The following NRG1 variants were observed in gnomAD, a reference collection of about 807,000 sequenced individuals.
NRG1 encodes the protein neuregulin 1.
Under a neutral mutation model 63.8 loss-of-function variants are expected in NRG1, and 18 were observed. The ratio of observed to expected loss-of-function variants is 0.28; its 90% CI spans 0.19 to 0.42. NRG1 has a LOEUF of 0.42. Among genes scored for constraint, NRG1 ranks in the 10% least tolerant of loss-of-function variants. NRG1 has a pLI of 1.00. For synonymous variants in NRG1, 302 were observed against 301.3 expected (o/e 1.00, Z -0.02); for missense variants, 762 against 814.7 (o/e 0.94, Z 0.79).
chr8:32,094,344 G>A (rs1336868094), intron 1 of NRG1, among the ~76,000 whole-genome samples: 2 of 152,180 alleles, frequency 1.3e-5, no homozygotes, highest in African/African-American at 4.8e-5. Flanking sequence ...TTAGAGCAAA[G>A]GAGGGGCAGC....
At chr8:32,492,940 A>ATATTT (rs1826772244) in intron 1 of NRG1, among the ~76,000 whole-genome samples, 1 of 152,176 alleles carries the variant, frequency 6.6e-6, no homozygotes, top group South Asian at 2.1e-4. Flanking sequence ...TATTTCTGAA[A>ATATTT]CCATAGTGTC....
intron 1 of NRG1, among the ~76,000 whole-genome samples, chr8:31,689,489 C>T (rs942733575): frequency 2.0e-5 from 3 of 152,160 alleles, no homozygotes; most frequent in African/African-American, 4.8e-5. Flanking sequence ...CTTTTCTAAA[C>T]AAGTGTAAAG....
intron 1 of NRG1, among the ~76,000 whole-genome samples, chr8:32,537,452 G>T (rs2129519949): frequency 6.6e-6 from 1 of 152,194 alleles, no homozygotes; most frequent in South Asian, 2.1e-4. Flanking sequence ...AGCTGTAAGG[G>T]CATTGGCCAG....
intron 1 of NRG1, among the ~76,000 whole-genome samples, chr8:32,131,140 C>T (rs1010971527): frequency 2.0e-5 from 3 of 152,018 alleles, no homozygotes; most frequent in African/African-American, 7.2e-5. Context: ...AAAATGTCTA[C>T]CTTAATAAAG....
chr8:31,936,656 T>G (rs1800949719), intron 1 of NRG1, among the ~76,000 whole-genome samples: 1 of 152,196 alleles, frequency 6.6e-6, no homozygotes, highest in African/African-American at 2.4e-5. Context: ...CCCAGATAAA[T>G]GGACTCCAAA....
chr8:32,080,634 C>A (rs1827300285), intron 1 of NRG1, among the ~76,000 whole-genome samples: 1 of 152,130 alleles, frequency 6.6e-6, no homozygotes, highest in Non-Finnish European at 1.5e-5. Flanking sequence ...TCCTTCAAAA[C>A]CAACTGTAGC....
chr8:32,509,364 G>A (rs1828915408), intron 1 of NRG1, among the ~76,000 whole-genome samples: 1 of 152,162 alleles, frequency 6.6e-6, no homozygotes, highest in African/African-American at 2.4e-5. Context: ...AAAGTGCTGG[G>A]ATTACAGGTG....
chr8:31,880,112 G>T (rs980654271), intron 1 of NRG1, among the ~76,000 whole-genome samples: 6 of 152,176 alleles, frequency 3.9e-5, no homozygotes, highest in African/African-American at 1.2e-4. Flanking sequence ...ACCATTGTGG[G>T]AAGCAGTATG....
intron 5 of NRG1, among the ~76,000 whole-genome samples, chr8:32,660,971 A>G (rs1213845496): frequency 6.6e-6 from 1 of 152,176 alleles, no homozygotes; most frequent in African/African-American, 2.4e-5. Flanking sequence ...TGGATGTGCT[A>G]CTATTTATTT....
At chr8:32,414,810 A>G (rs1815626248) in intron 1 of NRG1, among the ~76,000 whole-genome samples, 1 of 152,202 alleles carries the variant, frequency 6.6e-6, no homozygotes, top group Admixed American at 6.5e-5. Flanking sequence ...ACAAAAGCTC[A>G]GTAAGTAAAC....
intron 1 of NRG1, among the ~76,000 whole-genome samples, chr8:31,803,172 G>A (rs1451332093): frequency 1.3e-5 from 2 of 152,190 alleles, no homozygotes; most frequent in African/African-American, 4.8e-5. Context: ...ATAAAGCAGG[G>A]AGTATAATAG....
At chr8:32,330,041 T>TAAAAAAAA (rs532006401) in intron 1 of NRG1, among the ~76,000 whole-genome samples, 9 of 43,020 alleles carry the variant, frequency 2.1e-4, no homozygotes, top group Non-Finnish European at 2.0e-4. Context: ...CCTAGCTAAT[T>TAAAAAAAA]AAAAAAAAAA....
chr8:32,452,639 A>G (rs1821105168), intron 1 of NRG1, among the ~76,000 whole-genome samples: 1 of 152,034 alleles, frequency 6.6e-6, no homozygotes, highest in South Asian at 2.1e-4. Context: ...CTTGGCAACT[A>G]TGAGCCATTA....
At chr8:31,836,430 A>T (rs1204122392) in intron 1 of NRG1, among the ~76,000 whole-genome samples, 1 of 152,114 alleles carries the variant, frequency 6.6e-6, no homozygotes, top group East Asian at 1.9e-4. Context: ...TTATTTAGCC[A>T]TTGATTCCCC....
At chr8:31,712,070 T>C (rs564645675) in intron 1 of NRG1, among the ~76,000 whole-genome samples, 6 of 152,268 alleles carry the variant, frequency 3.9e-5, no homozygotes, top group Admixed American at 2.6e-4. Flanking sequence ...ATCTAGTCTC[T>C]CATTCTTTTC....
chr8:32,746,557 G>A (rs1246800535), intron 7 of NRG1, among the ~76,000 whole-genome samples: 3 of 151,988 alleles, frequency 2.0e-5, no homozygotes, highest in East Asian at 3.9e-4. Context: ...TTTTCCTCAA[G>A]CAATTATAAA....
chr8:32,738,155 A>G (rs1825551519), intron 6 of NRG1, among the ~76,000 whole-genome samples: 1 of 152,132 alleles, frequency 6.6e-6, no homozygotes, highest in Non-Finnish European at 1.5e-5. Flanking sequence ...GTCACAGATC[A>G]TCACAATACA....
intron 1 of NRG1, among the ~76,000 whole-genome samples, chr8:32,044,851 A>G (rs1820681210): frequency 1.3e-5 from 2 of 150,392 alleles, no homozygotes; most frequent in Non-Finnish European, 3.0e-5. Flanking sequence ...TCATGTTATG[A>G]GAAAATAAGT....
At chr8:31,693,060 G>A (rs955713793) in intron 1 of NRG1, among the ~76,000 whole-genome samples, 1 of 152,142 alleles carries the variant, frequency 6.6e-6, no homozygotes, top group Non-Finnish European at 1.5e-5. Context: ...AAAGGCCTTA[G>A]CTAATCTCCA....
Sources: gnomAD v4.1 joint callset for allele counts (sites outside exome capture counted in the v4.1 genomes callset) on GRCh38, gnomAD v4.1.1 for gene constraint, MANE v1.5 for transcripts, NCBI Gene and HGNC (gene_info 2026-07-23, HGNC 2026-07-21) for gene names.